MRPL19: variants seen among roughly 807,000 people sequenced by gnomAD.
MRPL19 encodes mitochondrial ribosomal protein L19, also known as large ribosomal subunit protein bL19m.
MRPL19 carries 31 observed loss-of-function variants against 34.0 expected under a neutral mutation model. That is an observed-to-expected ratio of 0.91 (90% CI 0.68 to 1.23). The LOEUF is 1.23. Among genes scored for constraint, MRPL19 ranks in the 50% most tolerant of loss-of-function variants. MRPL19 has a pLI of 0.00. For synonymous variants in MRPL19, 152 were observed against 127.7 expected, an observed-to-expected ratio of 1.19 and a Z score of -1.28; for missense variants, 384 against 367.6, an observed-to-expected ratio of 1.04 and a Z score of -0.37.
At chr2:75,647,463 C>T (rs1678248912) in intron 2 of MRPL19, 6 of 507,182 alleles carry the variant, frequency 1.2e-5, no homozygotes, top group Non-Finnish European at 2.1e-5. Context: ...ATTTTAAACT[C>T]TTTTCTCTGT....
intron 1 of MRPL19, 70 bp from the exon 2 acceptor site, chr2:75,647,032 G>A: frequency 6.7e-7 from 1 of 1,495,526 alleles, no homozygotes. Context: ...CGGGTTGGGG[G>A]AGATTGCGGG....
rs1678584578 is a variant in MRPL19, at chr2:75,660,437, CTG to C, written c.*5154_*5155del. ...TATGCTGTCTTTTTGTTGTTGAAAA[CTG>C]TATGTTTGAACATCATAACGTGGTG... On this transcript the variant is annotated 3_prime_UTR_variant, in exon 6 of 6. Coordinates refer to ENST00000393909, the MANE Select transcript of MRPL19 (RefSeq NM_014763.4). 6.6e-6 allele frequency: 1 copy of C among 152,124 alleles called. No homozygotes were observed. Among genetic ancestry groups the C allele is most frequent in the African/African-American group, 2.4e-5 (1 of 41,414 alleles). The allele number at this position is 152,124 out of a possible 1,614,324, so 9.4% of individuals were successfully genotyped here. A position where few individuals can be genotyped will look rare whatever the true frequency, so the allele number is the denominator to read the frequency against.
In MRPL19 at chr2:75,654,882, G is replaced by C; in HGVS notation, c.622G>C (p.Val208Leu). 1 of 1,613,650 alleles carries C rather than the reference G, an allele frequency of 6.2e-7. No homozygotes were observed. The highest frequency in any genetic ancestry group is 8.5e-7 in the Non-Finnish European group (1 of 1,179,810). The change falls in exon 5 of 6, where the codon GTA becomes CTA. Residue 208 changes from valine (V) to leucine (L), a missense_variant. By Grantham distance (32) the Val-to-Leu change is conservative (BLOSUM62 1). Coordinates refer to ENST00000393909, the MANE Select transcript of MRPL19 (RefSeq NM_014763.4). ...TTTTGATGTGAATATGAAGCCAGTA[G>C]TACAAGAGCCTAACCAAAAAGTTCC... ...STFDVNMKPV[V>L]QEPNQKVPVN...
At position 75,652,201 on chromosome 2, in the gene MRPL19, T is replaced by C. The variant is rs1341303626; in HGVS notation, c.281T>C (p.Ile94Thr). ...AGAACAGATCCTCTGAAATTTCAAA[T>C]AGAAAGAAAAGATATGTTAGAAAGG... The part of the protein sequence containing the change: ...RGRTDPLKFQ[I>T]ERKDMLERRK... Residue 94 changes from isoleucine (I) to threonine (T), a missense_variant, in exon 3 of 6, where the codon ATA becomes ACA. Physicochemically the swap from Ile to Thr is moderately conservative, Grantham distance 89 (BLOSUM62 -1). Transcript: ENST00000393909. 2.5e-6 allele frequency: 4 copies of C among 1,607,336 alleles called. No homozygotes were observed. Among genetic ancestry groups the C allele is most frequent in the African/African-American group, 1.3e-5 (1 of 74,618 alleles).
At position 75,654,871 on chromosome 2, in the gene MRPL19, T is replaced by C. The variant is rs1490130308; in HGVS notation, c.611T>C (p.Met204Thr). 2 of 1,613,684 alleles carry C rather than the reference T, an allele frequency of 1.2e-6. No individual in the cohort carries two copies. The highest frequency in any genetic ancestry group is 3.3e-5 in the Admixed American group (2 of 59,940). ...LPEYSTFDVNMKPVVQEPNQK... is the reference protein window; with the variant it reads ...LPEYSTFDVNTKPVVQEPNQK... Reference sequence around the variant, plus strand: ...GAATATAGCACTTTTGATGTGAATATGAAGCCAGTAGTACAAGAGCCTAAC... The same window carrying C: ...GAATATAGCACTTTTGATGTGAATACGAAGCCAGTAGTACAAGAGCCTAAC... Residue 204 changes from methionine to threonine, a missense_variant, in exon 5 of 6, where the codon ATG becomes ACG. Transcript: ENST00000393909.
chr2:75,658,287 C>G lies in MRPL19; in HGVS notation c.*3002C>G, dbSNP rs962478916. 3.3e-5 allele frequency among the ~76,000 whole-genome samples: 5 copies of G among 152,090 alleles called. No homozygotes were observed. The highest frequency in any genetic ancestry group is 5.9e-5 in the Non-Finnish European group (4 of 67,992). On this transcript the variant is annotated 3_prime_UTR_variant, in exon 6 of 6. Transcript: ENST00000393909. Reference sequence around the variant, plus strand: ...TGTTTCCCATGCTGGTCTTGAGTTCCTGGCCTCAAGCAGTCCTTAAGATTC... The same window carrying G: ...TGTTTCCCATGCTGGTCTTGAGTTCGTGGCCTCAAGCAGTCCTTAAGATTC...
chr2:75,661,606 G>A lies in MRPL19; in HGVS notation c.*6321G>A, dbSNP rs1437489551. The A allele has an allele frequency of 6.6e-5, 10 of 152,114 alleles. No individual in the cohort carries two copies. The highest frequency in any genetic ancestry group is 1.9e-4 in the African/African-American group (8 of 41,414). 9.4% of individuals were successfully genotyped at this position (152,114 alleles called of 1,614,324 possible). On this transcript the variant is annotated 3_prime_UTR_variant, in exon 6 of 6. Transcript: ENST00000393909. ...ATCAAAAACTTAGTTTATCCTATTC[G>A]AAGGATTAGAAAAATGATATATCTT... is the stretch of plus-strand genomic sequence containing the variant.
chr2:75,651,451 A>G (rs1471056057), intron 2 of MRPL19: 1 of 535,598 alleles, frequency 1.9e-6, no homozygotes, highest in East Asian at 5.4e-5. Flanking sequence ...CATTGCAATG[A>G]TTCCATCAAA....
At chr2:75,652,733 T>C in intron 4 of MRPL19, 76 bp downstream of exon 4, 1 of 1,479,828 alleles carries the variant, frequency 6.8e-7, no homozygotes, top group Non-Finnish European at 9.2e-7. Context: ...CATCCTGGGA[T>C]AAGAAATCTG....
At chr2:75,647,316 C>A (rs1239175030) in intron 2 of MRPL19, 97 bp downstream of exon 2, 4 of 1,145,096 alleles carry the variant, frequency 3.5e-6, no homozygotes, top group Non-Finnish European at 1.2e-6. Flanking sequence ...GGGGCTGCAC[C>A]TCCCCCTGCA....
intron 2 of MRPL19, 86 bp from the exon 3 acceptor site, chr2:75,652,053 TATC>T (rs1447306146): frequency 1.2e-5 from 8 of 684,308 alleles, no homozygotes; most frequent in Non-Finnish European, 2.0e-5. Context: ...AATACATCAA[TATC>T]ATATTTAATT....
intron 2 of MRPL19, 90 bp downstream of exon 2, chr2:75,647,309 G>T: frequency 8.3e-7 from 1 of 1,203,510 alleles, no homozygotes; most frequent in Non-Finnish European, 1.2e-6. Flanking sequence ...TAAGGTGGGG[G>T]CTGCACCTCC....
Position 75,648,870 on chromosome 2 carries a change from GA to G in MRPL19, c.221+1658del, listed in dbSNP as rs1316045075. Among the ~76,000 whole-genome samples, 7 of 152,112 alleles carry G rather than the reference GA, an allele frequency of 4.6e-5. No homozygotes were observed. In the East Asian group the frequency reaches 1.4e-3, roughly 29 times the overall value. ...GGCGATAGAGCAAGACTCTGTCTCAGAAAAAAACAAAAACAAAATTATACGA... is the reference window on the plus strand; with the variant it reads ...GGCGATAGAGCAAGACTCTGTCTCAGAAAAAACAAAAACAAAATTATACGA... On this transcript the variant is annotated intron_variant, in intron 2 of 5. Transcript: ENST00000393909.
chr2:75,652,688 A>G (rs1251971122), intron 4 of MRPL19, 31 bp downstream of exon 4: 1 of 1,596,262 alleles, frequency 6.3e-7, no homozygotes, highest in Admixed American at 1.7e-5. Flanking sequence ...TTCATTGTCT[A>G]GAAAATGTTA....
At chr2:75,651,206 T>A in intron 2 of MRPL19, 1 of 393,392 alleles carries the variant, frequency 2.5e-6, no homozygotes, top group Non-Finnish European at 5.0e-6. Context: ...CAGTTCGATC[T>A]GTTAATCCAC....
At position 75,650,862 on chromosome 2, in the gene MRPL19, G is replaced by A. The variant is rs189448555; in HGVS notation, c.222-1280G>A. On this transcript the variant is annotated intron_variant, in intron 2 of 5. Transcript: ENST00000393909. ...CTAGAGGGCAGAAAGATACAACCAC[G>A]AGACCCCAGGACTACCAAGCTGATG... 1.1e-3 allele frequency among the ~76,000 whole-genome samples: 173 copies of A among 152,252 alleles called. 1 individual carries two copies. Among genetic ancestry groups the A allele is most frequent in the Non-Finnish European group, 2.1e-3 (141 of 68,024 alleles).
At chr2:75,654,492 G>T (rs572006870) in intron 4 of MRPL19, among the ~76,000 whole-genome samples, 1 of 152,128 alleles carries the variant, frequency 6.6e-6, no homozygotes. Context: ...CATATTTCTA[G>T]AAGCCATTTT....
intron 4 of MRPL19, among the ~76,000 whole-genome samples, chr2:75,653,516 G>A (rs1487614265): frequency 6.6e-6 from 1 of 152,270 alleles, no homozygotes; most frequent in Admixed American, 6.5e-5. Context: ...TTGAAGTACT[G>A]GACACAGAAT....
In MRPL19 at chr2:75,647,189, A is replaced by G. The variant is rs1361497582; in HGVS notation, c.191A>G (p.Asp64Gly). The change falls in exon 2 of 6, where the codon GAC (aspartate) becomes GGC (glycine). Residue 64 changes from aspartate (D) to glycine (G), a missense_variant. Transcript: ENST00000393909. ...CCGCCGCCGAAACCGGTCATCGTGG[A>G]CAAGCACCGCCCCGTGGAACCGGAA... ...FQPPPKPVIVDKHRPVEPERR... is the reference protein window; with the variant it reads ...FQPPPKPVIVGKHRPVEPERR... The G allele has an allele frequency of 1.3e-6, 2 of 1,581,222 alleles. No individual in the cohort carries two copies. The highest frequency in any genetic ancestry group is 2.7e-5 in the African/African-American group (2 of 74,270).
Sources: allele counts gnomAD v4.1 joint callset (sites outside exome capture counted in the v4.1 genomes callset), GRCh38; gene constraint gnomAD v4.1.1; transcripts MANE v1.5; gene names NCBI Gene and HGNC (gene_info 2026-07-23, HGNC 2026-07-21).